The following SNX7 variants were observed in gnomAD, a reference collection of about 807,000 sequenced individuals.
The protein encoded by SNX7 is sorting nexin 7, also known as sorting nexin-7.
In SNX7, 35 loss-of-function variants were observed where a neutral mutation model predicts 48.4. That is an observed-to-expected ratio of 0.72 (90% confidence interval 0.55 to 0.96). The LOEUF (loss-of-function observed/expected upper bound fraction) is 0.96. Among genes scored for constraint, SNX7 ranks in the 40% least tolerant of loss-of-function variants. The probability of loss-of-function intolerance (pLI) is 0.00; values close to 1 mark genes in which losing one functional copy is unlikely to be tolerated. For missense variants in SNX7, 553 were observed against 548.9 expected (o/e 1.01, Z -0.07); for synonymous variants, 190 against 190.2 (o/e 1.00, Z 0.01).
intron 7 of SNX7, among the ~76,000 whole-genome samples, chr1:98,729,188 A>T (rs923889929): frequency 1.3e-5 from 2 of 152,076 alleles, no homozygotes; most frequent in Admixed American, 6.6e-5. Flanking sequence ...CTTCTGATTG[A>T]CTCCTGGATA....
intron 4 of SNX7, among the ~76,000 whole-genome samples, chr1:98,691,937 A>ACACACTCTCTCTCTCTCT (rs376006567): frequency 1.3e-4 from 17 of 131,066 alleles, no homozygotes; most frequent in Non-Finnish European, 2.3e-4. Flanking sequence ...ACACACACAC[A>ACACACTCTCTCTCTCTCT]CTCTCTCTCT....
intron 6 of SNX7, among the ~76,000 whole-genome samples, chr1:98,701,345 A>G (rs1288238576): frequency 3.9e-5 from 6 of 152,164 alleles, no homozygotes; most frequent in Non-Finnish European, 7.4e-5. Flanking sequence ...CTGATTTCCT[A>G]CCATAATTTC....
At chr1:98,680,657 T>A (rs1403605431) in intron 1 of SNX7, among the ~76,000 whole-genome samples, 1 of 152,100 alleles carries the variant, frequency 6.6e-6, no homozygotes, top group African/African-American at 2.4e-5. Context: ...TCTCTCAAGT[T>A]TAAAGTTCCA....
intron 7 of SNX7, 73 bp from the exon 8 acceptor site, chr1:98,738,164 A>C (rs1653886028): frequency 6.6e-7 from 1 of 1,511,880 alleles, no homozygotes; most frequent in Non-Finnish European, 9.0e-7. Context: ...ATTTTGTTCA[A>C]CTTAAATTTG....
intron 2 of SNX7, among the ~76,000 whole-genome samples, chr1:98,689,474 A>G (rs1045949728): frequency 6.6e-6 from 1 of 152,204 alleles, no homozygotes; most frequent in African/African-American, 2.4e-5. Context: ...TGATGAGGAT[A>G]GACTGAACCA....
At chr1:98,754,889 A>G (rs548249863) in intron 8 of SNX7, among the ~76,000 whole-genome samples, 1 of 151,870 alleles carries the variant, frequency 6.6e-6, no homozygotes, top group South Asian at 2.1e-4. Context: ...CAAGGTAAAG[A>G]CTAAAGGCAT....
intron 7 of SNX7, among the ~76,000 whole-genome samples, chr1:98,728,040 C>G (rs1230815078): frequency 2.6e-5 from 4 of 152,044 alleles, no homozygotes; most frequent in Non-Finnish European, 4.4e-5. Flanking sequence ...CAGAGAATCC[C>G]AGTAAGATAT....
intron 2 of SNX7, among the ~76,000 whole-genome samples, chr1:98,688,723 A>G (rs1650943991): frequency 1.3e-5 from 2 of 152,218 alleles, no homozygotes; most frequent in Non-Finnish European, 2.9e-5. Flanking sequence ...GTCAAACATG[A>G]AAAATTGGCC....
chr1:98,670,811 A>T (rs907673989), intron 1 of SNX7, among the ~76,000 whole-genome samples: 7 of 152,324 alleles, frequency 4.6e-5, no homozygotes, highest in Admixed American at 1.3e-4. Flanking sequence ...ACAAAGAAAA[A>T]AAAATTATGA....
chr1:98,712,794 A>C (rs1652381279), intron 7 of SNX7, among the ~76,000 whole-genome samples: 1 of 152,036 alleles, frequency 6.6e-6, no homozygotes, highest in Non-Finnish European at 1.5e-5. Flanking sequence ...TCTTCCTCCA[A>C]TATAAAACTT....
chr1:98,723,305 A>G (rs1652983658), intron 7 of SNX7, among the ~76,000 whole-genome samples: 1 of 150,300 alleles, frequency 6.7e-6, no homozygotes, highest in South Asian at 2.1e-4. Context: ...TAGATACTTC[A>G]CTCTTTGAAA....
At chr1:98,741,921 A>C (rs4908332) in intron 8 of SNX7, among the ~76,000 whole-genome samples, 1 of 151,982 alleles carries the variant, frequency 6.6e-6, no homozygotes, top group East Asian at 1.9e-4. Flanking sequence ...TGGCTATCCA[A>C]TGTCCTCTTA....
intron 1 of SNX7, among the ~76,000 whole-genome samples, chr1:98,663,548 C>T (rs939270103): frequency 6.6e-6 from 1 of 151,492 alleles, no homozygotes; most frequent in African/African-American, 2.4e-5. Context: ...GACCTCTGGG[C>T]GTGTTGGGGG....
chr1:98,691,786 A>C (rs959233214), intron 4 of SNX7, 87 bp downstream of exon 4: 1 of 1,118,082 alleles, frequency 8.9e-7, no homozygotes, highest in African/African-American at 1.6e-5. Context: ...ACCGTTACAA[A>C]TCATGCAGTG....
intron 7 of SNX7, among the ~76,000 whole-genome samples, chr1:98,721,891 T>C (rs975936487): frequency 2.6e-5 from 4 of 152,090 alleles, no homozygotes; most frequent in African/African-American, 9.7e-5. Flanking sequence ...CCACATCATT[T>C]CTTTTTAATA....
intron 8 of SNX7, among the ~76,000 whole-genome samples, chr1:98,750,592 A>G (rs1654533536): frequency 6.6e-6 from 1 of 152,078 alleles, no homozygotes. Flanking sequence ...TATTTCCAGG[A>G]GTCTTAACCA....
At chr1:98,712,229 A>G (rs12736769) in intron 7 of SNX7, among the ~76,000 whole-genome samples, 40,156 of 151,858 alleles carry the variant, frequency 0.26, 5,630 homozygotes, top group Middle Eastern at 0.31. Context: ...AATCCCATAT[A>G]TTTTTCATGG....
In SNX7 at chr1:98,663,253, G is replaced by GTTTTTTTTTTTTT. The variant is rs61588201; in HGVS notation, c.180+1369_180+1381dup. Among the ~76,000 whole-genome samples, 2 of 41,508 alleles carry GTTTTTTTTTTTTT rather than the reference G, an allele frequency of 4.8e-5. 1 individual carries two copies. Among genetic ancestry groups the GTTTTTTTTTTTTT allele is most frequent in the African/African-American group, 1.5e-4 (2 of 13,422 alleles). 27.2% of individuals were successfully genotyped at this position (41,508 alleles called of 152,430 possible). On this transcript the variant is annotated intron_variant, in intron 1 of 8. Coordinates refer to ENST00000306121, the MANE Select transcript of SNX7 (RefSeq NM_015976.5). Reference sequence around the variant, plus strand: ...TCAGAATCATCAGGGTTTCTTTCTGGTTTTTTTTTTTTTTTTTTTTTTTTT... The same window carrying GTTTTTTTTTTTTT: ...TCAGAATCATCAGGGTTTCTTTCTGGTTTTTTTTTTTTTTTTTTTTTTTTTTTTTTTTTTTTTT...
At chr1:98,757,068 C>T (rs567052709) in intron 8 of SNX7, among the ~76,000 whole-genome samples, 7 of 152,148 alleles carry the variant, frequency 4.6e-5, no homozygotes, top group Non-Finnish European at 1.0e-4. Flanking sequence ...ATACGCCATG[C>T]GGCATGCCTG....
Sources: allele counts gnomAD v4.1 joint callset (sites outside exome capture counted in the v4.1 genomes callset), GRCh38; gene constraint gnomAD v4.1.1; transcripts MANE v1.5; gene names NCBI Gene and HGNC (gene_info 2026-07-23, HGNC 2026-07-21).